The following EML1 variants were observed in gnomAD, a reference collection of about 807,000 sequenced individuals.
The protein encoded by EML1 is EMAP like 1, also known as echinoderm microtubule-associated protein-like 1.
In EML1, 27 loss-of-function variants were observed where a neutral mutation model predicts 110.4. The ratio of observed to expected loss-of-function variants is 0.24; its 90% CI spans 0.18 to 0.34. The LOEUF (loss-of-function observed/expected upper bound fraction) is 0.34. Among genes scored for constraint, EML1 ranks in the 10% least tolerant of loss-of-function variants. The pLI, the probability that EML1 is intolerant of heterozygous loss-of-function variation, is 1.00. For missense variants in EML1, 741 were observed against 1,030.9 expected (o/e 0.72, Z 3.85); for synonymous variants, 344 against 385.8 (o/e 0.89, Z 1.27).
chr14:99,894,502 T>C (rs535862434), intron 5 of EML1, 127 bp from the exon 6 acceptor site: 231 of 1,135,416 alleles, frequency 2.0e-4, no homozygotes, highest in Non-Finnish European at 2.5e-4. Flanking sequence ...TTCCCTAGGA[T>C]ATCAATTAGA....
chr14:99,907,450 A>G (rs2059870023), intron 9 of EML1, 188 bp from the exon 10 acceptor site: 2 of 610,202 alleles, frequency 3.3e-6, no homozygotes, highest in Admixed American at 3.0e-5. Flanking sequence ...CCTGGATGAC[A>G]GAGCAAAACC....
intron 17 of EML1, among the ~76,000 whole-genome samples, chr14:99,922,601 T>G (rs2060150082): frequency 1.3e-5 from 2 of 152,200 alleles, no homozygotes; most frequent in Non-Finnish European, 2.9e-5. Flanking sequence ...CTATTTTACA[T>G]TCTCGTCAGC....
At chr14:99,774,551 T>G (rs1473282328) in intron 1 of EML1, among the ~76,000 whole-genome samples, 2 of 152,240 alleles carry the variant, frequency 1.3e-5, no homozygotes, top group African/African-American at 4.8e-5. Context: ...GGGTTCATGC[T>G]TGGCACGGGA....
At chr14:99,766,709 C>T (rs143152387) in intron 1 of EML1, among the ~76,000 whole-genome samples, 67 of 152,262 alleles carry the variant, frequency 4.4e-4, no homozygotes, top group Middle Eastern at 3.4e-3. Flanking sequence ...AATGTCCGCC[C>T]AAATCAACAT....
intron 9 of EML1, among the ~76,000 whole-genome samples, chr14:99,901,679 T>C (rs1467670348): frequency 6.6e-6 from 1 of 152,206 alleles, no homozygotes; most frequent in Non-Finnish European, 1.5e-5. Context: ...GTCATGGTGC[T>C]GGTGGGAGTG....
chr14:99,912,195 A>G (rs1322696536), intron 13 of EML1, among the ~76,000 whole-genome samples: 3 of 152,032 alleles, frequency 2.0e-5, no homozygotes. Flanking sequence ...TTAATTTTTA[A>G]TTTCTAGCAT....
At chr14:99,854,290 T>C (rs1159317640) in intron 2 of EML1, among the ~76,000 whole-genome samples, 1 of 152,262 alleles carries the variant, frequency 6.6e-6, no homozygotes, top group African/African-American at 2.4e-5. Flanking sequence ...CTCCACTTAT[T>C]TGAAGAATGT....
chr14:99,907,038 G>A (rs1040739243), intron 9 of EML1: 2 of 152,496 alleles, frequency 1.3e-5, no homozygotes, highest in African/African-American at 4.8e-5. Context: ...TGCTCTAGGA[G>A]GGGCTCTTGT....
chr14:99,802,568 G>A (rs771811992), intron 1 of EML1, among the ~76,000 whole-genome samples: 10 of 152,100 alleles, frequency 6.6e-5, no homozygotes, highest in Non-Finnish European at 1.2e-4. Flanking sequence ...TGGGGAGAGG[G>A]CAGAATCAAG....
chr14:99,870,786 C>T (rs2059184733), intron 3 of EML1, among the ~76,000 whole-genome samples: 1 of 152,196 alleles, frequency 6.6e-6, no homozygotes, highest in Admixed American at 6.5e-5. Context: ...AGGCCTACTG[C>T]TCGGAAGAAA....
At chr14:99,738,165 G>T (rs993383502) in intron 1 of EML1, among the ~76,000 whole-genome samples, 2 of 152,212 alleles carry the variant, frequency 1.3e-5, no homozygotes, top group Middle Eastern at 3.2e-3. Flanking sequence ...GGGCTGCGAC[G>T]GGACCCATGG....
chr14:99,762,138 C>A (rs1036469285), intron 1 of EML1, among the ~76,000 whole-genome samples: 1 of 152,086 alleles, frequency 6.6e-6, no homozygotes, highest in Non-Finnish European at 1.5e-5. Context: ...GCACAATGAG[C>A]CCTGTTCCAG....
At chr14:99,798,515 C>T (rs950886257) in intron 1 of EML1, among the ~76,000 whole-genome samples, 2 of 151,984 alleles carry the variant, frequency 1.3e-5, no homozygotes, top group Non-Finnish European at 2.9e-5. Context: ...GCCTCAGCCT[C>T]CAGAGTAGCT....
intron 1 of EML1, among the ~76,000 whole-genome samples, chr14:99,756,171 C>T (rs910084106): frequency 6.6e-6 from 1 of 152,194 alleles, no homozygotes; most frequent in African/African-American, 2.4e-5. Context: ...AAGTGCTGGG[C>T]CCCAGAGAAG....
At chr14:99,764,582 G>A (rs1377270000) in intron 1 of EML1, among the ~76,000 whole-genome samples, 1 of 152,268 alleles carries the variant, frequency 6.6e-6, no homozygotes, top group East Asian at 1.9e-4. Flanking sequence ...AGTGGAGCAT[G>A]CAGGTTGGCG....
At chr14:99,748,670 G>A (rs1283575341) in intron 1 of EML1, among the ~76,000 whole-genome samples, 1 of 152,078 alleles carries the variant, frequency 6.6e-6, no homozygotes, top group East Asian at 1.9e-4. Flanking sequence ...AAAAAAGAAA[G>A]AAACTAAAAA....
In EML1 at chr14:99,827,514, A is replaced by C. The variant is rs1368584175; in HGVS notation, c.68-23339A>C. 6.6e-6 allele frequency among the ~76,000 whole-genome samples: 1 copy of C among 152,114 alleles called. No individual in the cohort carries two copies. The highest frequency in any genetic ancestry group is 2.4e-5 in the African/African-American group (1 of 41,422). On this transcript the variant is annotated intron_variant, in intron 1 of 21. Coordinates refer to ENST00000262233, the MANE Select transcript of EML1 (RefSeq NM_004434.3). This position sits in a 1 kb window ranked among gnomAD's most constrained non-coding sequence, Gnocchi z 4.4. ...TGTGTTACCCCAAATTCATGTGTTG[A>C]ATCTCTAACCCTAGTGCCTCAGAGC...
At chr14:99,883,975 G>A (rs1198213099) in intron 4 of EML1, among the ~76,000 whole-genome samples, 1 of 152,178 alleles carries the variant, frequency 6.6e-6, no homozygotes, top group Non-Finnish European at 1.5e-5. Flanking sequence ...AAAATGATGG[G>A]CCTTTATTGC....
chr14:99,757,754 A>C (rs1193905442), intron 1 of EML1, among the ~76,000 whole-genome samples: 1 of 152,224 alleles, frequency 6.6e-6, no homozygotes, highest in African/African-American at 2.4e-5. Context: ...AATCCAAATT[A>C]AATCAGCAAT....
Sources: gnomAD v4.1 joint callset for allele counts (sites outside exome capture counted in the v4.1 genomes callset) on GRCh38, gnomAD v4.1.1 for gene constraint, Gnocchi (gnomAD v3.1) non-coding constraint, MANE v1.5 for transcripts, NCBI Gene and HGNC (gene_info 2026-07-23, HGNC 2026-07-21) for gene names.